The following STXBP4 variants were observed in gnomAD, a reference collection of about 807,000 sequenced individuals.
STXBP4 encodes syntaxin binding protein 4.
STXBP4 carries 55 observed loss-of-function variants against 76.1 expected under a neutral mutation model. The ratio of observed to expected loss-of-function variants is 0.72; its 90% confidence interval spans 0.58 to 0.91. STXBP4 has a LOEUF of 0.91. Ranked by LOEUF, STXBP4 falls within the 40% of genes least tolerant of loss-of-function variation. The pLI is 0.00. For synonymous variants in STXBP4, 201 were observed against 220.2 expected, an observed-to-expected ratio of 0.91 and a Z score of 0.77; for missense variants, 618 against 636.9, an observed-to-expected ratio of 0.97 and a Z score of 0.32.
intron 16 of STXBP4, among the ~76,000 whole-genome samples, chr17:55,118,385 AAGG>A (rs1415143594): frequency 6.6e-6 from 1 of 151,962 alleles, no homozygotes; most frequent in Non-Finnish European, 1.5e-5. Context: ...AAAGAAATGA[AAGG>A]AGGCCAGAAC....
At chr17:55,029,429 A>G (rs913352853) in intron 8 of STXBP4, among the ~76,000 whole-genome samples, 2 of 152,012 alleles carry the variant, frequency 1.3e-5, no homozygotes, top group East Asian at 1.9e-4. Flanking sequence ...TTGAAAATAT[A>G]TACATAAATT....
At position 55,135,295 on chromosome 17, in the gene STXBP4, G is replaced by A. The variant is rs528126618; in HGVS notation, c.1490-6015G>A. Among the ~76,000 whole-genome samples, 17 of 152,060 alleles carry A rather than the reference G, an allele frequency of 1.1e-4. No homozygotes were observed. The East Asian group carries it at 2.5e-3, about 22-fold the overall frequency. ...CTAGAAATAGCTCATATCTAATTAC[G>A]TTAACATTTTAACTTTTAAATTTGG... On this transcript the variant is annotated intron_variant, in intron 16 of 17. Transcript: ENST00000376352.
intron 8 of STXBP4, among the ~76,000 whole-genome samples, chr17:55,018,544 C>G (rs1053573378): frequency 6.6e-6 from 1 of 152,094 alleles, no homozygotes; most frequent in Non-Finnish European, 1.5e-5. Flanking sequence ...TTCATGCATC[C>G]GTGTGAAGAG....
chr17:55,029,409 G>C (rs2078468395), intron 8 of STXBP4, among the ~76,000 whole-genome samples: 1 of 151,698 alleles, frequency 6.6e-6, no homozygotes, highest in African/African-American at 2.4e-5. Flanking sequence ...CGAATATATA[G>C]TTTTATTTAT....
chr17:55,181,604 G>T, the STXBP4 span, among the ~76,000 whole-genome samples: 1 of 152,084 alleles, frequency 6.6e-6, no homozygotes, highest in Admixed American at 6.5e-5. Context: ...TGAAATGGTG[G>T]ACTAAGTAGT....
chr17:55,021,698 A>C (rs1457991481), intron 8 of STXBP4, among the ~76,000 whole-genome samples: 1 of 152,122 alleles, frequency 6.6e-6, no homozygotes, highest in African/African-American at 2.4e-5. Flanking sequence ...TAGTTTTTAA[A>C]AACTTTACTG....
At chr17:55,123,910 A>AG (rs2079875834) in intron 16 of STXBP4, among the ~76,000 whole-genome samples, 1 of 152,084 alleles carries the variant, frequency 6.6e-6, no homozygotes. Flanking sequence ...AAAAAAAAAA[A>AG]GAAGATAAAA....
chr17:55,050,875 C>T (rs1212343475), intron 12 of STXBP4, among the ~76,000 whole-genome samples: 1 of 151,958 alleles, frequency 6.6e-6, no homozygotes, highest in Admixed American at 6.6e-5. Context: ...GCCATGTTGG[C>T]CAGGCTGGTT....
At chr17:54,971,476 T>C (rs866535258) in intron 1 of STXBP4, among the ~76,000 whole-genome samples, 1 of 152,218 alleles carries the variant, frequency 6.6e-6, no homozygotes. Flanking sequence ...ATGTCTCTTA[T>C]AAGGACACCA....
chr17:54,985,327 G>A (rs1420895010), intron 1 of STXBP4, among the ~76,000 whole-genome samples: 2 of 152,042 alleles, frequency 1.3e-5, no homozygotes, highest in Non-Finnish European at 2.9e-5. Context: ...GTTAGGAGAA[G>A]AAAAACAACA....
chr17:55,104,419 G>A (rs1325064622), intron 16 of STXBP4, among the ~76,000 whole-genome samples: 1 of 152,108 alleles, frequency 6.6e-6, no homozygotes, highest in South Asian at 2.1e-4. Flanking sequence ...TTTATGTGAT[G>A]GATTACATTT....
chr17:55,000,551 C>G (rs1231562868), intron 6 of STXBP4, among the ~76,000 whole-genome samples: 1 of 152,118 alleles, frequency 6.6e-6, no homozygotes, highest in Non-Finnish European at 1.5e-5. Flanking sequence ...TACTTTGTCA[C>G]TTGGAGCTAT....
At chr17:55,085,283 C>T (rs1039704020) in intron 16 of STXBP4, among the ~76,000 whole-genome samples, 2 of 151,936 alleles carry the variant, frequency 1.3e-5, no homozygotes, top group African/African-American at 4.8e-5. Flanking sequence ...GGGTGCAGCG[C>T]ACCAGCAAGG....
chr17:54,975,581 G>A (rs2077462393), intron 1 of STXBP4, among the ~76,000 whole-genome samples: 1 of 152,176 alleles, frequency 6.6e-6, no homozygotes, highest in Non-Finnish European at 1.5e-5. Context: ...AGCCTTTAGA[G>A]CCTTTACTTT....
At chr17:55,198,497 A>T in the STXBP4 span, among the ~76,000 whole-genome samples, 1 of 152,174 alleles carries the variant, frequency 6.6e-6, no homozygotes, top group Admixed American at 6.5e-5. Flanking sequence ...TTTTATTTTG[A>T]TGAGAGATTC....
At chr17:55,014,130 C>G (rs1459120983) in intron 8 of STXBP4, among the ~76,000 whole-genome samples, 7 of 152,090 alleles carry the variant, frequency 4.6e-5, no homozygotes, top group African/African-American at 1.7e-4. Flanking sequence ...AGGTCCTTAA[C>G]AATTTTTTTG....
chr17:55,107,633 T>A (rs1273587245), intron 16 of STXBP4, among the ~76,000 whole-genome samples: 1 of 152,244 alleles, frequency 6.6e-6, no homozygotes, highest in Non-Finnish European at 1.5e-5. Flanking sequence ...GTGTTGATGC[T>A]ATTCCTTTCT....
downstream of STXBP4, chr17:55,173,643 T>G (rs1450122378): frequency 6.6e-6 from 1 of 152,218 alleles, no homozygotes; most frequent in Non-Finnish European, 1.5e-5. Context: ...CGTATTGGTT[T>G]TTGTGTGAAC....
At chr17:55,113,783 A>G (rs748037000) in intron 16 of STXBP4, among the ~76,000 whole-genome samples, 1 of 152,050 alleles carries the variant, frequency 6.6e-6, no homozygotes, top group Non-Finnish European at 1.5e-5. Context: ...CTAACTTGCT[A>G]ACACTTTTGT....
Sources: allele counts gnomAD v4.1 joint callset (sites outside exome capture counted in the v4.1 genomes callset), GRCh38; gene constraint gnomAD v4.1.1; transcripts MANE v1.5; gene names NCBI Gene and HGNC (gene_info 2026-07-23, HGNC 2026-07-21).